ZC3H13: variants seen among roughly 807,000 people sequenced by gnomAD.
The protein encoded by ZC3H13 is zinc finger CCCH domain-containing protein 13.
ZC3H13 carries 64 observed loss-of-function variants against 204.1 expected under a neutral mutation model. The ratio of observed to expected loss-of-function variants is 0.31; its 90% CI spans 0.26 to 0.39. ZC3H13 has a LOEUF of 0.39. Among genes scored for constraint, ZC3H13 ranks in the 10% least tolerant of loss-of-function variants. The probability of loss-of-function intolerance (pLI) is 1.00; values close to 1 mark genes in which losing one functional copy is unlikely to be tolerated. For synonymous variants in ZC3H13, 667 were observed against 693.7 expected (o/e 0.96, Z 0.60); for missense variants, 1,833 against 2,082.7 (o/e 0.88, Z 2.33).
chr13:45,972,282 A>G (rs767710504), intron 12 of ZC3H13, among the ~76,000 whole-genome samples: 19 of 152,072 alleles, frequency 1.2e-4, no homozygotes, highest in Non-Finnish European at 2.4e-4. Flanking sequence ...GATAAAGAAA[A>G]TGTGGTATAT....
Position 46,011,430 on chromosome 13 carries a change from A to T in ZC3H13, c.573T>A (p.Ile191=). ...EQENMEKREE[I]IIKKEVSPEV... ...AATAGCATACCTCCTTTTTAATGAT[A>T]ATTTCTTCTCTCTTCTCCATGTTTT... The change falls in exon 6 of 19, where the codon ATT becomes ATA. Residue 191 remains isoleucine, a synonymous_variant. Coordinates refer to ENST00000679008, the MANE Select transcript of ZC3H13 (RefSeq NM_001330564.2). 1 of 1,604,326 alleles carries T rather than the reference A, an allele frequency of 6.2e-7. No individual in the cohort carries two copies. Among genetic ancestry groups the T allele is most frequent in the Admixed American group, 1.7e-5 (1 of 58,278 alleles).
intron 9 of ZC3H13, among the ~76,000 whole-genome samples, chr13:45,986,356 G>A (rs1042575831): frequency 6.6e-6 from 1 of 152,214 alleles, no homozygotes; most frequent in Non-Finnish European, 1.5e-5. Context: ...TACTTGGGAG[G>A]CTGAGGTAGG....
Position 46,020,491 on chromosome 13 carries a change from C to G in ZC3H13, c.406G>C (p.Glu136Gln). Reference protein sequence around the residue: ...DIKITKERTPESEEENVEWET... With the variant: ...DIKITKERTPQSEEENVEWET... ...CATTCTACATTTTCTTCTTCACTTT[C>G]TGGAGTTCTTTCCTTAGTGATTTTT... Residue 136 changes from glutamate to glutamine, a missense_variant, in exon 5 of 19, where the codon GAA becomes CAA. Physicochemically the swap from Glu to Gln is conservative, Grantham distance 29. Around this residue, in one of 5 missense-constraint regions of ZC3H13, gnomAD observed 1,574 missense variants for 1,757.2 expected, o/e 0.90. Coordinates refer to ENST00000679008, the MANE Select transcript of ZC3H13 (RefSeq NM_001330564.2). 6.2e-7 allele frequency: 1 copy of G among 1,611,306 alleles called. No individual in the cohort carries two copies. The highest frequency in any genetic ancestry group is 1.1e-5 in the South Asian group (1 of 90,584).
At position 45,969,294 on chromosome 13, in the gene ZC3H13, T is replaced by C; in HGVS notation, c.3250A>G (p.Thr1084Ala). The C allele has an allele frequency of 6.2e-7, 1 of 1,613,906 alleles. No individual in the cohort carries two copies. The highest frequency in any genetic ancestry group is 8.5e-7 in the Non-Finnish European group (1 of 1,179,990). ...CTACCAGGAGTCGTGGCGGTGGCAG[T>C]ATGCTCTGCTTCTGTCACCTCTGTA... ...DRTEVTEAEH[T>A]ATATTPGSTP... The change falls in exon 14 of 19, where the codon ACT (threonine) becomes GCT (alanine). Residue 1084 changes from threonine (T) to alanine (A), a missense_variant. Transcript: ENST00000679008.
chr13:45,983,413 A>ATATATATATATATATATTT, intron 10 of ZC3H13, among the ~76,000 whole-genome samples: 1 of 31,130 alleles, frequency 3.2e-5, no homozygotes, highest in Non-Finnish European at 4.9e-5. Flanking sequence ...ATATATATAT[A>ATATATATATATATATATTT]TTTTTTTTTT....
chr13:46,049,342 GAT>G (rs148827337), intron 1 of ZC3H13, among the ~76,000 whole-genome samples: 105 of 151,966 alleles, frequency 6.9e-4, no homozygotes, highest in African/African-American at 2.3e-3. Context: ...TCTTTAATGT[GAT>G]ATATATATGT....
At chr13:45,999,375 TG>T (rs536083231) in intron 8 of ZC3H13, among the ~76,000 whole-genome samples, 17 of 152,350 alleles carry the variant, frequency 1.1e-4, no homozygotes, top group African/African-American at 4.1e-4. Context: ...ACAAAGTTTA[TG>T]TGACACTCTG....
chr13:46,004,855 T>A (rs1428349384), intron 7 of ZC3H13, among the ~76,000 whole-genome samples: 1 of 152,206 alleles, frequency 6.6e-6, no homozygotes, highest in Non-Finnish European at 1.5e-5. Context: ...TTGTAATTGA[T>A]TTTGGGGTAC....
At chr13:45,998,552 G>A (rs2040507090) in intron 8 of ZC3H13, among the ~76,000 whole-genome samples, 2 of 152,002 alleles carry the variant, frequency 1.3e-5, no homozygotes, top group Non-Finnish European at 1.5e-5. Flanking sequence ...GGGAGGCTGA[G>A]GCAGGAGAAT....
chr13:45,982,810 CA>C (rs568141092), intron 10 of ZC3H13, among the ~76,000 whole-genome samples: 1 of 151,696 alleles, frequency 6.6e-6, no homozygotes, highest in Non-Finnish European at 1.5e-5. Context: ...AAAACAAAAA[CA>C]AAAAAAATTA....
In ZC3H13 at chr13:46,052,700, G is replaced by C. The variant is rs997582215; in HGVS notation, c.-306C>G. ...AGAAAAGGCAACAAAAACACTACCA[G>C]GCCGCTAGGAGGACCGCCTCAAAAT... On this transcript the variant is annotated 5_prime_UTR_variant, in exon 1 of 19. Transcript: ENST00000679008. 6 of 398,638 alleles carry C rather than the reference G, an allele frequency of 1.5e-5. No individual in the cohort carries two copies. Among genetic ancestry groups the C allele is most frequent in the African/African-American group, 1.2e-4 (6 of 48,748 alleles). The allele number at this position is 398,638 out of a possible 1,614,324, so 24.7% of individuals were successfully genotyped here.
intron 6 of ZC3H13, among the ~76,000 whole-genome samples, chr13:46,011,026 C>A (rs2041524569): frequency 6.6e-6 from 1 of 152,080 alleles, no homozygotes; most frequent in Non-Finnish European, 1.5e-5. Context: ...AAATTAAAAT[C>A]ATAAAATTTC....
At chr13:45,964,125 G>T in intron 16 of ZC3H13, 83 bp from the exon 17 acceptor site, 1 of 1,314,496 alleles carries the variant, frequency 7.6e-7, no homozygotes, top group Non-Finnish European at 1.0e-6. Context: ...CATAAATCAA[G>T]GAGAAAACAG....
At chr13:45,999,324 AC>A (rs2040576739) in intron 8 of ZC3H13, among the ~76,000 whole-genome samples, 3 of 152,078 alleles carry the variant, frequency 2.0e-5, no homozygotes, top group Non-Finnish European at 2.9e-5. Context: ...CAAAAAACAA[AC>A]CTGGACTCAA....
chr13:45,982,296 A>G (rs1056265407), intron 10 of ZC3H13, among the ~76,000 whole-genome samples: 1 of 152,094 alleles, frequency 6.6e-6, no homozygotes, highest in African/African-American at 2.4e-5. Flanking sequence ...ACAGACTACA[A>G]AAAGGCTACA....
chr13:46,017,214 T>TG (rs1304579543), intron 5 of ZC3H13, among the ~76,000 whole-genome samples: 1 of 152,144 alleles, frequency 6.6e-6, no homozygotes, highest in Non-Finnish European at 1.5e-5. Context: ...TTTTAAAAGC[T>TG]GTTCTTACAG....
intron 8 of ZC3H13, 99 bp from the exon 9 acceptor site, chr13:45,989,196 G>A (rs557672483): frequency 1.8e-4 from 208 of 1,147,940 alleles, no homozygotes; most frequent in Non-Finnish European, 2.3e-4. Context: ...TGAAAGTATA[G>A]ACAATAACTT....
intron 17 of ZC3H13, chr13:45,963,160 C>A: frequency 1.0e-6 from 1 of 966,444 alleles, no homozygotes; most frequent in Non-Finnish European, 1.2e-6. Context: ...CAGATGATGA[C>A]ACTAACACAC....
intron 7 of ZC3H13, among the ~76,000 whole-genome samples, chr13:46,005,480 G>T (rs968323061): frequency 7.2e-5 from 11 of 152,050 alleles, no homozygotes; most frequent in African/African-American, 2.7e-4. Flanking sequence ...TCGTTGTTCT[G>T]CTATTTTTTG....
Sources: allele counts gnomAD v4.1 joint callset (sites outside exome capture counted in the v4.1 genomes callset), GRCh38; gene constraint gnomAD v4.1.1; regional missense constraint gnomAD v4.1.1; transcripts MANE v1.5; gene names NCBI Gene and HGNC (gene_info 2026-07-23, HGNC 2026-07-21).